The following C2orf80 variants were observed in gnomAD, a reference collection of about 807,000 sequenced individuals.
The protein encoded by C2orf80 is chromosome 2 open reading frame 80.
C2orf80 carries 28 observed loss-of-function variants against 30.2 expected under a neutral mutation model. That is an observed-to-expected ratio of 0.93 (90% CI 0.69 to 1.27). C2orf80 has a LOEUF of 1.27. Ranked by LOEUF, C2orf80 falls within the 50% of genes most tolerant of loss-of-function variation. The pLI is 0.00. For missense variants in C2orf80, 220 were observed against 231.0 expected (o/e 0.95, Z 0.31); for synonymous variants, 80 against 76.4 (o/e 1.05, Z -0.24).
intron 8 of C2orf80, among the ~76,000 whole-genome samples, chr2:208,169,178 G>A (rs1206940348): frequency 6.6e-6 from 1 of 151,798 alleles, no homozygotes; most frequent in Non-Finnish European, 1.5e-5. Context: ...TCCTTACATA[G>A]GGTCCATTGA....
At chr2:208,169,163 G>A (rs1447501170) in intron 8 of C2orf80, among the ~76,000 whole-genome samples, 1 of 151,868 alleles carries the variant, frequency 6.6e-6, no homozygotes, top group African/African-American at 2.4e-5. Context: ...TTTAGAGGTA[G>A]GTTTTCCTTA....
intron 1 of C2orf80, among the ~76,000 whole-genome samples, chr2:208,188,496 A>C (rs1287071962): frequency 6.7e-6 from 1 of 149,584 alleles, no homozygotes; most frequent in African/African-American, 2.5e-5. Context: ...ACCAGGCTGG[A>C]GTGCAGTGGC....
intron 1 of C2orf80, 57 bp from the exon 2 acceptor site, chr2:208,187,118 G>C (rs1696741049): frequency 1.3e-6 from 1 of 781,388 alleles, no homozygotes; most frequent in African/African-American, 1.7e-5. Context: ...CCAAATACCA[G>C]TCATGGAGTC....
At chr2:208,172,241 A>G (rs1378936157) in intron 6 of C2orf80, among the ~76,000 whole-genome samples, 166 bp from the exon 7 acceptor site, 1 of 152,202 alleles carries the variant, frequency 6.6e-6, no homozygotes, top group Non-Finnish European at 1.5e-5. Context: ...GGGCACGTGA[A>G]GTATATGAAC....
rs1302404525 is a variant in C2orf80 at position 208,185,015 on chromosome 2, A to T, written c.59T>A (p.Ile20Asn). ...MKKLLGDYIG[I>N]RLRENEFDPK... ...GTCAAATTCATTTTCCCGAAGTCTG[A>T]TGCCAATATAATCTCCCCTTAAAAG... The change falls in exon 3 of 9, where the codon ATC (isoleucine) becomes AAC (asparagine). Residue 20 changes from isoleucine (I) to asparagine (N), a missense_variant. Transcript: ENST00000341287. 6.2e-7 allele frequency: 1 copy of T among 1,613,590 alleles called. No homozygotes were observed.
chr2:208,176,793 G>A (rs1039227317), intron 6 of C2orf80, among the ~76,000 whole-genome samples: 7 of 149,994 alleles, frequency 4.7e-5, no homozygotes, highest in Admixed American at 6.7e-5. Flanking sequence ...AAACCCAGGA[G>A]GCCAGGCTTT....
At chr2:208,167,806 C>T (rs556603922) in intron 8 of C2orf80, among the ~76,000 whole-genome samples, 1 of 150,914 alleles carries the variant, frequency 6.6e-6, no homozygotes. Context: ...GAATGCCTGA[C>T]CTCAAGTAAT....
chr2:208,184,418 T>C (rs556864432), intron 3 of C2orf80, among the ~76,000 whole-genome samples: 68 of 152,086 alleles, frequency 4.5e-4, no homozygotes, highest in African/African-American at 1.5e-3. Flanking sequence ...TCTTTTTTAT[T>C]AGTGTAAGGA....
chr2:208,183,651 T>C (rs1696630763), intron 3 of C2orf80, among the ~76,000 whole-genome samples: 1 of 151,974 alleles, frequency 6.6e-6, no homozygotes, highest in South Asian at 2.1e-4. Context: ...GAAGCTGCAT[T>C]GGAGCTGGGG....
intron 1 of C2orf80, among the ~76,000 whole-genome samples, chr2:208,188,782 T>C (rs1348642250): frequency 6.6e-6 from 1 of 152,202 alleles, no homozygotes; most frequent in East Asian, 1.9e-4. Context: ...CTACATCTGC[T>C]TTAGTTTTTG....
chr2:208,177,168 T>C (rs1392886566), intron 6 of C2orf80, among the ~76,000 whole-genome samples: 1 of 147,444 alleles, frequency 6.8e-6, no homozygotes, highest in East Asian at 2.0e-4. Flanking sequence ...TGTGCATATA[T>C]ATGTGTATAT....
At chr2:208,183,794 A>G (rs908628738) in intron 3 of C2orf80, among the ~76,000 whole-genome samples, 1 of 152,166 alleles carries the variant, frequency 6.6e-6, no homozygotes, top group African/African-American at 2.4e-5. Flanking sequence ...ACACGCACGT[A>G]TAGTAAAAAG....
chr2:208,182,908 T>C (rs1696602913), intron 4 of C2orf80, 57 bp downstream of exon 4: 1 of 1,357,464 alleles, frequency 7.4e-7, no homozygotes, highest in Admixed American at 1.7e-5. Context: ...GAACTTCCTC[T>C]ATCATTAATC....
At chr2:208,171,691 C>A (rs1396591791) in intron 7 of C2orf80, among the ~76,000 whole-genome samples, 2 of 150,860 alleles carry the variant, frequency 1.3e-5, no homozygotes, top group Non-Finnish European at 2.9e-5. Context: ...ACAAGAGATC[C>A]TTCCAGCCCA....
rs13419558 is a variant in C2orf80 at position 208,187,477 on chromosome 2, C to T, written c.-75-416G>A. On this transcript the variant is annotated intron_variant, in intron 1 of 8. Coordinates refer to ENST00000341287, the MANE Select transcript of C2orf80 (RefSeq NM_001099334.3). ...CTCAGTGGCTCATAATGGAGTTTTCCATAGAATCCATCTACACTCTCCTAT... is the reference window on the plus strand; with the variant it reads ...CTCAGTGGCTCATAATGGAGTTTTCTATAGAATCCATCTACACTCTCCTAT... Among the ~76,000 whole-genome samples, 1,282 of 151,682 alleles carry T rather than the reference C, an allele frequency of 8.5e-3. 24 individuals carry two copies. The highest frequency in any genetic ancestry group is 0.029 in the African/African-American group (1,215 of 41,302).
intron 6 of C2orf80, among the ~76,000 whole-genome samples, chr2:208,178,762 T>A (rs1342495940): frequency 2.0e-5 from 3 of 152,122 alleles, no homozygotes; most frequent in African/African-American, 7.2e-5. Flanking sequence ...AATTTTTTTT[T>A]AATTGTTTTT....
chr2:208,187,236 T>C (rs1425313826), intron 1 of C2orf80, among the ~76,000 whole-genome samples, 175 bp from the exon 2 acceptor site: 1 of 152,232 alleles, frequency 6.6e-6, no homozygotes, highest in Non-Finnish European at 1.5e-5. Flanking sequence ...TTTGTGTTTA[T>C]TTGACACCTT....
intron 8 of C2orf80, among the ~76,000 whole-genome samples, chr2:208,169,544 C>G (rs962210864): frequency 1.3e-5 from 2 of 151,832 alleles, no homozygotes; most frequent in Non-Finnish European, 2.9e-5. Flanking sequence ...GAAACCCCAC[C>G]TCTACTGAAA....
chr2:208,189,168 T>C (rs1282724226), intron 1 of C2orf80, among the ~76,000 whole-genome samples: 1 of 152,246 alleles, frequency 6.6e-6, no homozygotes, highest in Non-Finnish European at 1.5e-5. Flanking sequence ...TTGGCCTATC[T>C]CAATTCCTTG....
Sources: allele counts gnomAD v4.1 joint callset (sites outside exome capture counted in the v4.1 genomes callset), GRCh38; gene constraint gnomAD v4.1.1; transcripts MANE v1.5; gene names NCBI Gene and HGNC (gene_info 2026-07-23, HGNC 2026-07-21).